Variants in PCDH9 observed in about 807,000 individuals in gnomAD.
The protein encoded by PCDH9 is protocadherin-9.
PCDH9 carries 24 observed loss-of-function variants against 70.6 expected under a neutral mutation model. That is an observed-to-expected ratio of 0.34 (90% CI 0.25 to 0.48). The LOEUF (loss-of-function observed/expected upper bound fraction) is 0.48. Among genes scored for constraint, PCDH9 ranks in the 20% least tolerant of loss-of-function variants. The probability of loss-of-function intolerance (pLI) is 0.99; values close to 1 mark genes in which losing one functional copy is unlikely to be tolerated. For missense variants in PCDH9, 1,281 were observed against 1,503.6 expected (o/e 0.85, Z 2.45); for synonymous variants, 562 against 558.5 (o/e 1.01, Z -0.09).
chr13:66,797,764 T>A (rs921699481), intron 3 of PCDH9, among the ~76,000 whole-genome samples: 4 of 152,178 alleles, frequency 2.6e-5, no homozygotes, highest in African/African-American at 9.6e-5. Context: ...CTTATTTTTT[T>A]AATATGGGAC....
At chr13:66,476,092 G>T (rs1212208718) in intron 4 of PCDH9, among the ~76,000 whole-genome samples, 1 of 151,936 alleles carries the variant, frequency 6.6e-6, no homozygotes, top group East Asian at 1.9e-4. Flanking sequence ...ATCTTTAAAG[G>T]TCTTCTTAAA....
intron 2 of PCDH9, among the ~76,000 whole-genome samples, chr13:67,022,106 CTTTTTTTTTTTTTTTTTTTTTT>C (rs71110623): frequency 2.5e-4 from 9 of 35,408 alleles, no homozygotes; most frequent in East Asian, 1.0e-3. Context: ...AGGTGATGTT[CTTTTTTTTTTTTTTTTTTTTTT>C]TTTTTTTTTT....
At chr13:66,796,566 T>A (rs2080244858) in intron 3 of PCDH9, among the ~76,000 whole-genome samples, 1 of 152,148 alleles carries the variant, frequency 6.6e-6, no homozygotes, top group African/African-American at 2.4e-5. Context: ...AAAGCAAACA[T>A]AAAGCAATGT....
At chr13:66,919,976 A>G (rs1224369023) in intron 2 of PCDH9, among the ~76,000 whole-genome samples, 1 of 151,082 alleles carries the variant, frequency 6.6e-6, no homozygotes, top group East Asian at 1.9e-4. Context: ...ACATCCTTAC[A>G]TTCTTGAAAT....
chr13:66,558,283 C>A (rs1961832039), intron 4 of PCDH9, among the ~76,000 whole-genome samples: 2 of 152,230 alleles, frequency 1.3e-5, no homozygotes, highest in South Asian at 2.1e-4. Flanking sequence ...TTTCAGAGAT[C>A]ATTTTACAAA....
At chr13:66,323,256 A>T (rs753119994) in intron 4 of PCDH9, 1 of 151,898 alleles carries the variant, frequency 6.6e-6, no homozygotes, top group Non-Finnish European at 1.5e-5. Context: ...CCTCCCAAAT[A>T]TTTTTCAAGA....
At chr13:66,412,984 T>G (rs911856732) in intron 4 of PCDH9, among the ~76,000 whole-genome samples, 27 of 152,230 alleles carry the variant, frequency 1.8e-4, no homozygotes, top group Admixed American at 1.8e-3. Context: ...CAGTGGGGTC[T>G]GTAGAGATTT....
At chr13:66,788,969 T>C (rs1220029494) in intron 3 of PCDH9, among the ~76,000 whole-genome samples, 1 of 152,140 alleles carries the variant, frequency 6.6e-6, no homozygotes, top group Non-Finnish European at 1.5e-5. Context: ...AGAATTGTCC[T>C]GGTTCCCTAA....
intron 2 of PCDH9, among the ~76,000 whole-genome samples, chr13:67,128,168 G>C (rs1490633418): frequency 2.6e-5 from 4 of 152,164 alleles, no homozygotes; most frequent in Non-Finnish European, 5.9e-5. Flanking sequence ...CTCGCCTACA[G>C]TGAGAGTGAA....
At chr13:66,759,594 A>G (rs932069892) in intron 3 of PCDH9, among the ~76,000 whole-genome samples, 1 of 150,854 alleles carries the variant, frequency 6.6e-6, no homozygotes, top group African/African-American at 2.4e-5. Flanking sequence ...TTCCTCATTT[A>G]GTTTGTTTCT....
chr13:66,627,020 G>GTTTACAAAAATGTCTCCACATGAT (rs1198139688), intron 4 of PCDH9, among the ~76,000 whole-genome samples: 338 of 150,340 alleles, frequency 2.2e-3, no homozygotes, highest in African/African-American at 7.8e-3. Context: ...AAAGCCTGAA[G>GTTTACAAAAATGTCTCCACATGAT]TTTACAAAAA....
chr13:66,575,349 T>C (rs1192430293), intron 4 of PCDH9, among the ~76,000 whole-genome samples: 1 of 152,100 alleles, frequency 6.6e-6, no homozygotes, highest in Non-Finnish European at 1.5e-5. Flanking sequence ...AATAGCACCA[T>C]AATCCACCCA....
chr13:66,460,666 A>T (rs945212719), intron 4 of PCDH9, among the ~76,000 whole-genome samples: 4 of 151,902 alleles, frequency 2.6e-5, no homozygotes, highest in African/African-American at 9.7e-5. Context: ...CAGAATAAAG[A>T]TACCTGGAAT....
At chr13:66,532,684 C>T (rs972857731) in intron 4 of PCDH9, among the ~76,000 whole-genome samples, 4 of 152,022 alleles carry the variant, frequency 2.6e-5, no homozygotes, top group Admixed American at 6.6e-5. Context: ...CTGGGACTAC[C>T]GGCACATGCC....
chr13:67,102,087 TA>T (rs1387421041), intron 2 of PCDH9, among the ~76,000 whole-genome samples: 1 of 152,178 alleles, frequency 6.6e-6, no homozygotes, highest in Non-Finnish European at 1.5e-5. Context: ...AGTCCTATAT[TA>T]AAATGTTCTT....
chr13:66,832,761 A>T (rs187746323), intron 3 of PCDH9, among the ~76,000 whole-genome samples: 21 of 152,256 alleles, frequency 1.4e-4, no homozygotes, highest in African/African-American at 4.6e-4. Flanking sequence ...CAATTCAGAG[A>T]TGTTTAACCA....
intron 3 of PCDH9, among the ~76,000 whole-genome samples, chr13:66,720,910 A>G (rs948545544): frequency 6.6e-6 from 1 of 152,076 alleles, no homozygotes; most frequent in African/African-American, 2.4e-5. Flanking sequence ...TACGCAGGGG[A>G]AAAAAAGCAT....
intron 2 of PCDH9, among the ~76,000 whole-genome samples, chr13:66,929,503 TA>T (rs1218877334): frequency 6.6e-6 from 1 of 152,036 alleles, no homozygotes; most frequent in Non-Finnish European, 1.5e-5. Context: ...TTTGTATTTT[TA>T]GTACAGATGG....
chr13:67,043,410 G>A (rs961607366), intron 2 of PCDH9, among the ~76,000 whole-genome samples: 3 of 152,104 alleles, frequency 2.0e-5, no homozygotes, highest in Non-Finnish European at 2.9e-5. Context: ...TGTAGTGATC[G>A]GTGGGATGTG....
Sources: gnomAD v4.1 joint callset for allele counts (sites outside exome capture counted in the v4.1 genomes callset) on GRCh38, gnomAD v4.1.1 for gene constraint, MANE v1.5 for transcripts, NCBI Gene and HGNC (gene_info 2026-07-23, HGNC 2026-07-21) for gene names.